The following MEMO1 variants were observed in gnomAD, a reference collection of about 807,000 sequenced individuals.
MEMO1 encodes mediator of cell motility 1.
Under a neutral mutation model 45.2 loss-of-function variants are expected in MEMO1, and 6 were observed. That is an observed-to-expected ratio of 0.13 (90% CI 0.07 to 0.26). The LOEUF is 0.26. Among genes scored for constraint, MEMO1 ranks in the 10% least tolerant of loss-of-function variants. MEMO1 has a pLI of 1.00. For missense variants in MEMO1, 184 were observed against 370.5 expected (o/e 0.50, Z 4.13); for synonymous variants, 78 against 124.3 (o/e 0.63, Z 2.48).
intron 3 of MEMO1, among the ~76,000 whole-genome samples, chr2:31,933,351 T>TATATATATATA (rs869274123): frequency 4.4e-5 from 2 of 45,090 alleles, no homozygotes; most frequent in African/African-American, 8.8e-5. Context: ...AAAAAAAAAT[T>TATATATATATA]TATATATATA....
intron 2 of MEMO1, among the ~76,000 whole-genome samples, chr2:31,944,715 T>C (rs1242631870): frequency 6.6e-6 from 1 of 152,184 alleles, no homozygotes; most frequent in Non-Finnish European, 1.5e-5. Flanking sequence ...AAATGTGTCA[T>C]ACTAACACTG....
In MEMO1 at chr2:31,920,799, C is replaced by A. The variant is rs779706454; in HGVS notation, c.324G>T (p.Lys108Asn). 32 of 1,545,944 alleles carry A rather than the reference C, an allele frequency of 2.1e-5. 1 individual carries two copies. In the South Asian group the frequency reaches 3.5e-4, roughly 17 times the overall value. Residue 108 changes from lysine to asparagine, a missense_variant and splice_region_variant, in exon 5 of 10, where the codon AAG becomes AAT. Physicochemically the swap from Lys to Asn is moderately conservative, Grantham distance 94 (BLOSUM62 0). Transcript: ENST00000404530. ...GCTATAATATTTCTATATACTTACT[C>A]TTTTGGTCAATACGAAGGTCATACA... Reference protein sequence around the residue: ...TPLYDLRIDQKIYGELWKTGM... With the variant: ...TPLYDLRIDQNIYGELWKTGM...
intron 4 of MEMO1, among the ~76,000 whole-genome samples, chr2:31,922,608 T>C (rs1046549466): frequency 2.0e-5 from 3 of 151,974 alleles, no homozygotes; most frequent in Non-Finnish European, 4.4e-5. Context: ...CCATAAGTAG[T>C]TTTTTTATCC....
chr2:31,868,190 G>A lies in MEMO1; in HGVS notation c.*171C>T, dbSNP rs1039216400. On this transcript the variant is annotated 3_prime_UTR_variant, in exon 10 of 10. Transcript: ENST00000404530. Reference sequence around the variant, plus strand: ...CCTAAACTATAAAGCATTTTTTAATGAGTTGAAATTAAGGAAGGACTACAC... The same window carrying A: ...CCTAAACTATAAAGCATTTTTTAATAAGTTGAAATTAAGGAAGGACTACAC... 1 of 485,914 alleles carries A rather than the reference G, an allele frequency of 2.1e-6. No individual in the cohort carries two copies. The highest frequency in any genetic ancestry group is 4.6e-5 in the Admixed American group (1 of 21,884). 30.1% of individuals were successfully genotyped at this position (485,914 alleles called of 1,614,324 possible). A position where few individuals can be genotyped will look rare whatever the true frequency, so the allele number is the denominator to read the frequency against.
At chr2:31,918,561 A>C (rs761363081) in intron 5 of MEMO1, among the ~76,000 whole-genome samples, 35 of 152,164 alleles carry the variant, frequency 2.3e-4, no homozygotes, top group Non-Finnish European at 4.3e-4. Flanking sequence ...TGCCATACCA[A>C]GAAGAGAAAA....
At position 31,920,921 on chromosome 2, in the gene MEMO1, C is replaced by A; in HGVS notation, c.213-11G>T. On this transcript the variant is annotated splice_polypyrimidine_tract_variant and intron_variant, in intron 4 of 9. Coordinates refer to ENST00000404530, the MANE Select transcript of MEMO1 (RefSeq NM_001301833.4). ...ATGAAAATTCTCCGGCTAGGAGATACACAACAAAAAAACACGTAACAATTG... is the reference window on the plus strand; with the variant it reads ...ATGAAAATTCTCCGGCTAGGAGATAAACAACAAAAAAACACGTAACAATTG... 1 of 1,564,390 alleles carries A rather than the reference C, an allele frequency of 6.4e-7. No homozygotes were observed. Among genetic ancestry groups the A allele is most frequent in the East Asian group, 2.2e-5 (1 of 44,478 alleles).
chr2:31,969,574 GGT>G (rs1217308309), intron 2 of MEMO1, among the ~76,000 whole-genome samples: 143 of 110,778 alleles, frequency 1.3e-3, no homozygotes, highest in Non-Finnish European at 2.1e-3. Flanking sequence ...CTTTTCTGGG[GGT>G]GTGTGTGTGG....
At chr2:32,010,290 A>AGGCGGC (rs765824290) in intron 1 of MEMO1, 26 bp from the exon 2 acceptor site, 12 of 1,345,966 alleles carry the variant, frequency 8.9e-6, no homozygotes, top group South Asian at 3.9e-5. Context: ...ATGAATGAGG[A>AGGCGGC]GGCGGCGGCG....
At chr2:32,008,571 A>G (rs1337544704) in intron 2 of MEMO1, among the ~76,000 whole-genome samples, 1 of 152,182 alleles carries the variant, frequency 6.6e-6, no homozygotes, top group East Asian at 1.9e-4. Context: ...GCGACAGAGC[A>G]AGACTCCGTC....
Position 31,966,732 on chromosome 2 carries a change from C to CAAAAAAAAA in MEMO1, c.62-23358_62-23350dup, listed in dbSNP as rs758359349. On this transcript the variant is annotated intron_variant, in intron 2 of 9. Coordinates refer to ENST00000404530, the MANE Select transcript of MEMO1 (RefSeq NM_001301833.4). The stretch of plus-strand genomic sequence containing the variant: ...TGGGTAACAGAGCAAGACTCTGTCT[C>CAAAAAAAAA]AAAAAAAAAAAATGAAAAAAATAAA... 2.6e-4 allele frequency among the ~76,000 whole-genome samples: 31 copies of CAAAAAAAAA among 117,858 alleles called. 5 individuals are homozygous for CAAAAAAAAA. The highest frequency in any genetic ancestry group is 9.6e-4 in the East Asian group (4 of 4,182). The allele number at this position is 117,858 out of a possible 152,430, so 77.3% of individuals were successfully genotyped here. A position where few individuals can be genotyped will look rare whatever the true frequency, so the allele number is the denominator to read the frequency against.
At chr2:31,910,328 CAAGT>C (rs1371518509) in intron 6 of MEMO1, among the ~76,000 whole-genome samples, 1 of 152,016 alleles carries the variant, frequency 6.6e-6, no homozygotes, top group Non-Finnish European at 1.5e-5. Context: ...AGCAAGCAAG[CAAGT>C]ACATTAGAGA....
intron 4 of MEMO1, among the ~76,000 whole-genome samples, chr2:31,925,497 A>AAAAAAAAAAAAC: frequency 6.9e-6 from 1 of 145,820 alleles, no homozygotes; most frequent in Non-Finnish European, 1.5e-5. Flanking sequence ...AAAAAAAAAA[A>AAAAAAAAAAAAC]AATCTGTTCC....
At chr2:31,945,172 A>G (rs1445876078) in intron 2 of MEMO1, among the ~76,000 whole-genome samples, 2 of 152,322 alleles carry the variant, frequency 1.3e-5, no homozygotes. Context: ...GTAATTCAAC[A>G]TTGTTTTGAA....
At chr2:31,959,516 A>C (rs1401580669) in intron 2 of MEMO1, among the ~76,000 whole-genome samples, 1 of 151,736 alleles carries the variant, frequency 6.6e-6, no homozygotes, top group Non-Finnish European at 1.5e-5. Flanking sequence ...AAAAAAAGCC[A>C]ATCAATTGAT....
At chr2:31,937,799 T>G (rs757574535) in intron 3 of MEMO1, among the ~76,000 whole-genome samples, 71 of 152,172 alleles carry the variant, frequency 4.7e-4, no homozygotes, top group Non-Finnish European at 5.0e-4. Context: ...TGTTTTATAG[T>G]AAAAAAAATT....
chr2:31,950,300 G>A (rs919652960), intron 2 of MEMO1, among the ~76,000 whole-genome samples: 1 of 151,318 alleles, frequency 6.6e-6, no homozygotes, highest in African/African-American at 2.4e-5. Context: ...AGAATCTCTT[G>A]AACCTGGAAG....
At chr2:31,942,773 T>C (rs1028223408) in intron 3 of MEMO1, among the ~76,000 whole-genome samples, 1 of 152,090 alleles carries the variant, frequency 6.6e-6, no homozygotes, top group African/African-American at 2.4e-5. Context: ...CCTCCCACGT[T>C]GGCCTCTCAA....
chr2:31,955,766 G>A (rs1667345776), intron 2 of MEMO1, among the ~76,000 whole-genome samples: 1 of 151,930 alleles, frequency 6.6e-6, no homozygotes, highest in Non-Finnish European at 1.5e-5. Flanking sequence ...GCACCACTAG[G>A]CCCAACTAAT....
intron 2 of MEMO1, among the ~76,000 whole-genome samples, chr2:31,965,865 C>A (rs1472308049): frequency 6.6e-6 from 1 of 152,006 alleles, no homozygotes; most frequent in Non-Finnish European, 1.5e-5. Context: ...TAATGCATGC[C>A]GGGCTTAATA....
Sources: gnomAD v4.1 joint callset for allele counts (sites outside exome capture counted in the v4.1 genomes callset) on GRCh38, gnomAD v4.1.1 for gene constraint, MANE v1.5 for transcripts, NCBI Gene and HGNC (gene_info 2026-07-23, HGNC 2026-07-21) for gene names.